LANCL3: variants seen among roughly 807,000 people sequenced by gnomAD.
LANCL3 encodes the protein lanC-like protein 3.
Under a neutral mutation model 26.5 loss-of-function variants are expected in LANCL3, and 19 were observed. The ratio of observed to expected loss-of-function variants is 0.72; its 90% CI spans 0.50 to 1.05. The LOEUF (loss-of-function observed/expected upper bound fraction) is 1.05, where lower values mean the gene tolerates loss of function less well. Ranked by LOEUF, LANCL3 falls within the 50% of genes least tolerant of loss-of-function variation. LANCL3 has a pLI of 0.00. For synonymous variants in LANCL3, 160 were observed against 166.6 expected (o/e 0.96, Z 0.30); for missense variants, 318 against 362.7 (o/e 0.88, Z 1.00).
At chrX:37,638,653 C>T (rs1925776193) in intron 1 of LANCL3, among the ~76,000 whole-genome samples, 1 of 111,722 alleles carries the variant, frequency 9.0e-6, no homozygotes, top group Non-Finnish European at 1.9e-5. Flanking sequence ...GTATAGTTTA[C>T]ATATAGCAAA....
intron 3 of LANCL3, 111 bp from the exon 4 acceptor site, chrX:37,667,171 C>A: frequency 2.7e-6 from 1 of 372,116 alleles, no homozygotes; most frequent in East Asian, 4.5e-5. Context: ...ATATTAGAAT[C>A]TGTGTTTTAC....
intron 1 of LANCL3, among the ~76,000 whole-genome samples, chrX:37,619,831 C>T (rs782307132): frequency 1.1e-4 from 12 of 111,790 alleles, no homozygotes; most frequent in African/African-American, 2.6e-4. Context: ...AAAACAGCTG[C>T]GCAGAGCCTT....
At chrX:37,644,204 G>A (rs1556426420) in intron 1 of LANCL3, among the ~76,000 whole-genome samples, 1 of 111,177 alleles carries the variant, frequency 9.0e-6, no homozygotes, top group Non-Finnish European at 1.9e-5. Flanking sequence ...GTGCTTTTCT[G>A]GCCAGGAGCA....
rs782658709 is a variant in LANCL3 at position 37,600,968 on chromosome X, G to T, written c.573+28525G>T. On this transcript the variant is annotated intron_variant, in intron 1 of 4. Coordinates refer to ENST00000378619, the MANE Select transcript of LANCL3 (RefSeq NM_001170331.2). The stretch of plus-strand genomic sequence containing the variant: ...TGTCTCTACTCAGTAAAAACATTCA[G>T]CTGACACTAGGGATACTATTCGTGT... 3.6e-5 allele frequency among the ~76,000 whole-genome samples: 4 copies of T among 111,874 alleles called. No individual in the cohort carries two copies. The South Asian group carries it at 1.5e-3, about 42-fold the overall frequency.
intron 1 of LANCL3, among the ~76,000 whole-genome samples, chrX:37,591,503 C>T (rs1453771617): frequency 2.7e-5 from 3 of 111,106 alleles, no homozygotes; most frequent in African/African-American, 6.5e-5. Flanking sequence ...CAAAGATGAC[C>T]GTGAGATGTG....
At position 37,684,036 on chromosome X, in the gene LANCL3, T is replaced by A. The variant is rs1926999076; in HGVS notation, c.*8223T>A. ...GACGTGATCACTGGAGCAAGTTAGCTGGTGTGCAGACTAAGAAGGATCAAC... is the reference window on the plus strand; with the variant it reads ...GACGTGATCACTGGAGCAAGTTAGCAGGTGTGCAGACTAAGAAGGATCAAC... On this transcript the variant is annotated 3_prime_UTR_variant, in exon 5 of 5. Transcript: ENST00000378619. 1 of 112,116 alleles carries A rather than the reference T, an allele frequency of 8.9e-6. No homozygotes were observed. The highest frequency in any genetic ancestry group is 3.2e-5 in the African/African-American group (1 of 30,869). The allele number at this position is 112,116 out of a possible 1,213,427, so 9.2% of individuals were successfully genotyped here.
chrX:37,592,490 A>G (rs1924314742), intron 1 of LANCL3, among the ~76,000 whole-genome samples: 1 of 112,599 alleles, frequency 8.9e-6, no homozygotes, highest in African/African-American at 3.2e-5. Flanking sequence ...ACTGCATAAG[A>G]AAATTTCCCA....
rs1450748308 is a variant in LANCL3, at chrX:37,682,172, G to C, written c.*6359G>C. Reference sequence around the variant, plus strand: ...GGCTGGAGTGCAGTGGCGGGATCTCGGCTCGCTGCAAGCTCCGCCTCCCGG... The same window carrying C: ...GGCTGGAGTGCAGTGGCGGGATCTCCGCTCGCTGCAAGCTCCGCCTCCCGG... On this transcript the variant is annotated 3_prime_UTR_variant, in exon 5 of 5. Coordinates refer to ENST00000378619, the MANE Select transcript of LANCL3 (RefSeq NM_001170331.2). 1 of 100,340 alleles carries C rather than the reference G, an allele frequency of 1.0e-5. No individual in the cohort carries two copies. Among genetic ancestry groups the C allele is most frequent in the Non-Finnish European group, 2.0e-5 (1 of 49,501 alleles). The allele number at this position is 100,340 out of a possible 1,213,427, so 8.3% of individuals were successfully genotyped here.
intron 4 of LANCL3, chrX:37,668,257 C>CTATATATATATATA (rs200578896): frequency 5.2e-4 from 71 of 136,506 alleles, no homozygotes; most frequent in African/African-American, 2.6e-3. Flanking sequence ...AATTGCTGGA[C>CTATATATATATATA]TATATATATA....
intron 4 of LANCL3, 79 bp downstream of exon 4, chrX:37,667,568 T>C (rs1215219313): frequency 1.2e-5 from 9 of 756,065 alleles, no homozygotes; most frequent in Non-Finnish European, 1.6e-5. Flanking sequence ...TATAGTCACA[T>C]GGTTTGAAAA....
At position 37,676,726 on chromosome X, in the gene LANCL3, G is replaced by A. The variant is rs1556437406; in HGVS notation, c.*913G>A. 8.9e-6 allele frequency: 1 copy of A among 111,899 alleles called. No homozygotes were observed. Among genetic ancestry groups the A allele is most frequent in the Non-Finnish European group, 1.9e-5 (1 of 53,155 alleles). 9.2% of individuals were successfully genotyped at this position (111,899 alleles called of 1,213,427 possible). On this transcript the variant is annotated 3_prime_UTR_variant, in exon 5 of 5. Coordinates refer to ENST00000378619, the MANE Select transcript of LANCL3 (RefSeq NM_001170331.2). ...AGATCAGGGGAACCACTACAAAGAC[G>A]TGTCATTTCTGCCTTTGTTTGGGAC...
chrX:37,573,978 CT>C (rs782602955), intron 1 of LANCL3, among the ~76,000 whole-genome samples: 103 of 77,495 alleles, frequency 1.3e-3, no homozygotes, highest in South Asian at 1.4e-3. Context: ...CAAACCAGGT[CT>C]TTTTTTTTTT....
rs1926856005 is a variant in LANCL3, at chrX:37,678,036, G to T, written c.*2223G>T. On this transcript the variant is annotated 3_prime_UTR_variant, in exon 5 of 5. Coordinates refer to ENST00000378619, the MANE Select transcript of LANCL3 (RefSeq NM_001170331.2). ...AACAAGACCACTTTCAGGCCTATCT[G>T]CCCTTTTAAGTTCTGATAGGTCTGA... is the stretch of plus-strand genomic sequence containing the variant. 1 of 111,554 alleles carries T rather than the reference G, an allele frequency of 9.0e-6. No individual in the cohort carries two copies. The highest frequency in any genetic ancestry group is 1.9e-5 in the Non-Finnish European group (1 of 52,971). 9.2% of individuals were successfully genotyped at this position (111,554 alleles called of 1,213,427 possible).
At chrX:37,602,542 A>G (rs1924600186) in intron 1 of LANCL3, among the ~76,000 whole-genome samples, 1 of 111,748 alleles carries the variant, frequency 8.9e-6, no homozygotes, top group Non-Finnish European at 1.9e-5. Flanking sequence ...GACATTGATT[A>G]TTTGAATAAT....
intron 1 of LANCL3, among the ~76,000 whole-genome samples, chrX:37,643,469 T>C (rs1345040042): frequency 8.9e-6 from 1 of 112,185 alleles, no homozygotes; most frequent in Non-Finnish European, 1.9e-5. Flanking sequence ...TTCTTATTTT[T>C]CCAGATGAGG....
intron 1 of LANCL3, among the ~76,000 whole-genome samples, chrX:37,640,782 A>G (rs1419171676): frequency 9.0e-6 from 1 of 111,552 alleles, no homozygotes; most frequent in Non-Finnish European, 1.9e-5. Context: ...AAATCTAAGG[A>G]AGAGAATTTG....
chrX:37,592,900 CT>C (rs1924329007), intron 1 of LANCL3, among the ~76,000 whole-genome samples: 1 of 111,307 alleles, frequency 9.0e-6, no homozygotes, highest in Non-Finnish European at 1.9e-5. Context: ...AAAGAAGAGT[CT>C]CTAAAAATTT....
At chrX:37,614,127 A>G (rs1298425867) in intron 1 of LANCL3, among the ~76,000 whole-genome samples, 3 of 111,136 alleles carry the variant, frequency 2.7e-5, no homozygotes, top group African/African-American at 9.8e-5. Context: ...CCTCTCTTTT[A>G]CTTCCTCTTT....
chrX:37,583,652 T>G (rs1923968329), intron 1 of LANCL3, among the ~76,000 whole-genome samples: 1 of 112,022 alleles, frequency 8.9e-6, no homozygotes, highest in Admixed American at 9.4e-5. Flanking sequence ...GCTTCTGATT[T>G]TTGCACATTG....
Sources: allele counts gnomAD v4.1 joint callset (sites outside exome capture counted in the v4.1 genomes callset), GRCh38; gene constraint gnomAD v4.1.1; transcripts MANE v1.5; gene names NCBI Gene and HGNC (gene_info 2026-07-23, HGNC 2026-07-21).